The following COL1A2 variants were observed in gnomAD, a reference collection of about 807,000 sequenced individuals.
The protein encoded by COL1A2 is collagen type I alpha 2 chain, also known as collagen alpha-2(I) chain.
In COL1A2, 49 loss-of-function variants were observed where a neutral mutation model predicts 174.3. The ratio of observed to expected loss-of-function variants is 0.28; its 90% CI spans 0.22 to 0.36. The LOEUF is 0.36. COL1A2 is among the 10% of genes least tolerant of loss of function. COL1A2 has a pLI of 1.00. For missense variants in COL1A2, 1,438 were observed against 1,822.7 expected, an observed-to-expected ratio of 0.79 and a Z score of 3.84; for synonymous variants, 655 against 606.6, an observed-to-expected ratio of 1.08 and a Z score of -1.17.
Position 94,428,398 on chromosome 7 carries a change from T to C in COL1A2, c.3632T>C (p.Ile1211Thr), listed in dbSNP as rs201746779. The part of the protein sequence containing the change: ...ETCIRAQPEN[I>T]PAKNWYRSSK... ...TGTATCCGGGCCCAACCTGAAAACA[T>C]CCCAGCCAAGAACTGGTATAGGAGC... The change falls in exon 50 of 52, where the codon ATC becomes ACC. Residue 1211 changes from isoleucine to threonine, a missense_variant. By Grantham distance (89) the Ile-to-Thr change is moderately conservative (BLOSUM62 -1). This residue lies in a region of COL1A2 where 290 missense variants were observed against 298.1 expected (regional missense o/e 0.97). Coordinates refer to ENST00000297268, the MANE Select transcript of COL1A2 (RefSeq NM_000089.4). The C allele has an allele frequency of 6.3e-5, 102 of 1,614,072 alleles. No homozygotes were observed. Among genetic ancestry groups the C allele is most frequent in the Admixed American group, 1.5e-4 (9 of 60,004 alleles).
At chr7:94,412,715 A>T in intron 25 of COL1A2, 33 bp downstream of exon 25, 1 of 1,589,750 alleles carries the variant, frequency 6.3e-7, no homozygotes, top group Non-Finnish European at 8.6e-7. Context: ...TACCCTCAGC[A>T]CTTTCTGTAG....
chr7:94,428,604 G>A (rs1050052801), intron 50 of COL1A2, 127 bp downstream of exon 50: 1 of 908,932 alleles, frequency 1.1e-6, no homozygotes, highest in Non-Finnish European at 1.7e-6. Flanking sequence ...CCTTTCCTGG[G>A]TTCCAATTTT....
At position 94,427,779 on chromosome 7, in the gene COL1A2, G is replaced by T. The variant is rs1448385210; in HGVS notation, c.3420G>T (p.Lys1140Asn). Residue 1140 changes from lysine to asparagine, a missense_variant, in exon 49 of 52, where the codon AAG (lysine) becomes AAT (asparagine). Transcript: ENST00000297268. ...PKDYEVDATLKSLNNQIETLL... is the reference protein window; with the variant it reads ...PKDYEVDATLNSLNNQIETLL... ...ACTATGAAGTTGATGCTACTCTGAAGTCTCTCAACAACCAGATTGAGACCC... is the reference window on the plus strand; with the variant it reads ...ACTATGAAGTTGATGCTACTCTGAATTCTCTCAACAACCAGATTGAGACCC... The T allele has an allele frequency of 6.2e-7, 1 of 1,614,124 alleles. No homozygotes were observed. Among genetic ancestry groups the T allele is most frequent in the Non-Finnish European group, 8.5e-7 (1 of 1,180,034 alleles).
chr7:94,397,987 A>G (rs777170198), intron 2 of COL1A2, among the ~76,000 whole-genome samples: 30 of 152,106 alleles, frequency 2.0e-4, no homozygotes, highest in Non-Finnish European at 3.5e-4. Flanking sequence ...TAAAATATTC[A>G]TAAGAAATAT....
In COL1A2 at chr7:94,420,617, C is replaced by G; in HGVS notation, c.2264C>G (p.Pro755Arg). The change falls in exon 37 of 52, where the codon CCC becomes CGC. Residue 755 changes from proline (P) to arginine (R), a missense_variant. By Grantham distance (103) the Pro-to-Arg change is moderately radical (BLOSUM62 -2). Transcript: ENST00000297268. ...AAGGGTGAAAACGGTGTTGTTGGTC[C>G]CACAGGCCCCGTTGGAGCTGCTGGC... is the stretch of plus-strand genomic sequence containing the variant. ...GPKGENGVVG[P>R]TGPVGAAGPA... is the part of the protein sequence containing the mutation. The G allele has an allele frequency of 6.2e-7, 1 of 1,608,392 alleles. No homozygotes were observed. The highest frequency in any genetic ancestry group is 8.5e-7 in the Non-Finnish European group (1 of 1,177,294).
intron 12 of COL1A2, among the ~76,000 whole-genome samples, chr7:94,407,569 A>C (rs1409874672): frequency 6.6e-6 from 1 of 152,200 alleles, no homozygotes; most frequent in African/African-American, 2.4e-5. Flanking sequence ...TCTAGTATAT[A>C]ATTGATATCC....
At chr7:94,408,882 G>T (rs1584318725) in intron 16 of COL1A2, 59 bp downstream of exon 16, 3 of 1,449,656 alleles carry the variant, frequency 2.1e-6, no homozygotes, top group East Asian at 4.5e-5. Context: ...TGATGTGAAA[G>T]ATTGGAACTG....
At chr7:94,400,670 C>G (rs3814967) in intron 5 of COL1A2, among the ~76,000 whole-genome samples, 5 of 152,172 alleles carry the variant, frequency 3.3e-5, no homozygotes, top group African/African-American at 4.8e-5. Flanking sequence ...TTTTTATTCT[C>G]CTTGACTTGA....
chr7:94,407,753 A>T, intron 12 of COL1A2, 94 bp from the exon 13 acceptor site: 1 of 1,072,698 alleles, frequency 9.3e-7, no homozygotes, highest in Non-Finnish European at 1.4e-6. Flanking sequence ...AAGTATATGA[A>T]TGGTTCAAAG....
chr7:94,418,689 T>A (rs1431622991), intron 33 of COL1A2, 137 bp downstream of exon 33: 2 of 695,790 alleles, frequency 2.9e-6, no homozygotes, highest in Non-Finnish European at 4.8e-6. Flanking sequence ...CTCTCCTGGG[T>A]CTATGACTAA....
chr7:94,428,318 A>T lies in COL1A2; in HGVS notation c.3552A>T (p.Gln1184His). The T allele has an allele frequency of 6.2e-7, 1 of 1,614,116 alleles. No homozygotes were observed. Among genetic ancestry groups the T allele is most frequent in the Non-Finnish European group, 8.5e-7 (1 of 1,179,968 alleles). Residue 1184 changes from glutamine to histidine, a missense_variant, in exon 50 of 52, where the codon CAA (glutamine) becomes CAT (histidine). Physicochemically the swap from Gln to His is conservative, Grantham distance 24 (BLOSUM62 0). Around this residue, in one of 3 missense-constraint regions of COL1A2, gnomAD observed 290 missense variants for 298.1 expected, o/e 0.97. Coordinates refer to ENST00000297268, the MANE Select transcript of COL1A2 (RefSeq NM_000089.4). Reference protein sequence around the residue: ...SSGYYWIDPNQGCTMDAIKVY... With the variant: ...SSGYYWIDPNHGCTMDAIKVY... ...GTTACTACTGGATTGACCCTAACCA[A>T]GGATGCACTATGGATGCTATCAAAG...
chr7:94,424,396 C>T lies in COL1A2; in HGVS notation c.2626C>T (p.Pro876Ser), dbSNP rs762242102. The part of the protein sequence containing the change: ...LLGAPGILGL[P>S]GSRGERGLPG... ...TGGTGCTCCTGGTATTCTGGGTCTC[C>T]CTGGCTCGAGAGGTGAACGTGGTCT... Residue 876 changes from proline (P) to serine (S), a missense_variant, in exon 41 of 52, where the codon CCT (proline) becomes TCT (serine). Pro to Ser is a moderately conservative substitution (Grantham distance 74, BLOSUM62 -1). Transcript: ENST00000297268. The T allele has an allele frequency of 6.2e-7, 1 of 1,614,082 alleles. No homozygotes were observed. The highest frequency in any genetic ancestry group is 1.7e-5 in the Admixed American group (1 of 60,016).
At position 94,413,874 on chromosome 7, in the gene COL1A2, C is replaced by G. The variant is rs763364601; in HGVS notation, c.1612-20C>G. On this transcript the variant is annotated intron_variant, in intron 27 of 51. Transcript: ENST00000297268. ...GGTGACATACGTTGCTATTTATGCT[C>G]TCTTTCCTGTCACTTTCAGGGTGTT... The G allele has an allele frequency of 6.2e-7, 1 of 1,613,968 alleles. No homozygotes were observed. Among genetic ancestry groups the G allele is most frequent in the Non-Finnish European group, 8.5e-7 (1 of 1,179,830 alleles).
chr7:94,400,616 A>G (rs1791671298), intron 5 of COL1A2, among the ~76,000 whole-genome samples: 1 of 152,180 alleles, frequency 6.6e-6, no homozygotes, highest in Admixed American at 6.5e-5. Context: ...TGAACTGTGT[A>G]AGTGAAATCC....
At chr7:94,406,060 T>A (rs1791787808) in intron 11 of COL1A2, among the ~76,000 whole-genome samples, 190 bp from the exon 12 acceptor site, 1 of 152,204 alleles carries the variant, frequency 6.6e-6, no homozygotes, top group Non-Finnish European at 1.5e-5. Flanking sequence ...TCTCTCTCAA[T>A]GGCAAGAAAG....
At chr7:94,407,278 C>T (rs1562899871) in intron 12 of COL1A2, among the ~76,000 whole-genome samples, 5 of 152,084 alleles carry the variant, frequency 3.3e-5, no homozygotes, top group Admixed American at 2.6e-4. Flanking sequence ...AACCATATTT[C>T]CCCTATATCT....
At chr7:94,415,112 A>C (rs1792011475) in intron 29 of COL1A2, 114 bp from the exon 30 acceptor site, 2 of 890,748 alleles carry the variant, frequency 2.2e-6, no homozygotes, top group Non-Finnish European at 3.8e-6. Context: ...TTATGCACTC[A>C]TGTAGATACT....
chr7:94,413,875 T>C lies in COL1A2; in HGVS notation c.1612-19T>C. On this transcript the variant is annotated intron_variant, in intron 27 of 51. Coordinates refer to ENST00000297268, the MANE Select transcript of COL1A2 (RefSeq NM_000089.4). The stretch of plus-strand genomic sequence containing the variant: ...GTGACATACGTTGCTATTTATGCTC[T>C]CTTTCCTGTCACTTTCAGGGTGTTC... 1 of 1,614,050 alleles carries C rather than the reference T, an allele frequency of 6.2e-7. No homozygotes were observed. The highest frequency in any genetic ancestry group is 2.2e-5 in the East Asian group (1 of 44,882).
chr7:94,420,580 G>C lies in COL1A2; in HGVS notation c.2227G>C (p.Ala743Pro). 1.9e-6 allele frequency: 3 copies of C among 1,613,682 alleles called. No individual in the cohort carries two copies. Among genetic ancestry groups the C allele is most frequent in the East Asian group, 2.2e-5 (1 of 44,850 alleles). ...GQPGAKGERG[A>P]KGPKGENGVV... is the part of the protein sequence containing the mutation. The stretch of plus-strand genomic sequence containing the variant: ...ACCTGGTGCTAAAGGAGAAAGAGGA[G>C]CCAAAGGGCCTAAGGGTGAAAACGG... Residue 743 changes from alanine to proline, a missense_variant, in exon 37 of 52, where the codon GCC becomes CCC. Around this residue, in one of 3 missense-constraint regions of COL1A2, gnomAD observed 867 missense variants for 1,213.7 expected, o/e 0.71. Transcript: ENST00000297268.
Sources: allele counts gnomAD v4.1 joint callset (sites outside exome capture counted in the v4.1 genomes callset), GRCh38; gene constraint gnomAD v4.1.1; regional missense constraint gnomAD v4.1.1; transcripts MANE v1.5; gene names NCBI Gene and HGNC (gene_info 2026-07-23, HGNC 2026-07-21).